Variants in STAG1 observed in about 807,000 individuals in gnomAD.
STAG1 encodes the protein STAG1 cohesin complex component.
In STAG1, 26 loss-of-function variants were observed where a neutral mutation model predicts 170.9. That is an observed-to-expected ratio of 0.15 (90% confidence interval 0.11 to 0.21). The LOEUF is 0.21. STAG1 is among the 10% of genes least tolerant of loss of function. STAG1 has a pLI of 1.00. For missense variants in STAG1, 964 were observed against 1,509.5 expected (o/e 0.64, Z 5.99); for synonymous variants, 514 against 497.7 (o/e 1.03, Z -0.44).
chr3:136,449,900 C>CTTTTTTT (rs34077581), intron 14 of STAG1, among the ~76,000 whole-genome samples: 3 of 126,562 alleles, frequency 2.4e-5, no homozygotes, highest in Non-Finnish European at 3.3e-5. Flanking sequence ...ACTATTGTTG[C>CTTTTTTT]TTTTTTTTTT....
chr3:136,425,199 A>T lies in STAG1; in HGVS notation c.1651-2155T>A, dbSNP rs1008615452. 2.9e-4 allele frequency among the ~76,000 whole-genome samples: 44 copies of T among 152,278 alleles called. 1 individual carries two copies. Among genetic ancestry groups the T allele is most frequent in the African/African-American group, 1.0e-3 (43 of 41,548 alleles). The stretch of plus-strand genomic sequence containing the variant: ...CAGTACAAAAGACTGTGCGTAGGTG[A>T]ACTTTCAGTAGTGCATCCACCTAAT... On this transcript the variant is annotated intron_variant, in intron 16 of 33. Coordinates refer to ENST00000383202, the MANE Select transcript of STAG1 (RefSeq NM_005862.3).
chr3:136,369,092 T>A lies in STAG1; in HGVS notation c.2545+16A>T. ...TAAAAAAAAATCAATATTGACAAGA[T>A]GATAGCTACAAGTACCCATGCTCTG... On this transcript the variant is annotated intron_variant, in intron 24 of 33. Transcript: ENST00000383202. 6.8e-7 allele frequency: 1 copy of A among 1,476,704 alleles called. No individual in the cohort carries two copies. The highest frequency in any genetic ancestry group is 2.6e-5 in the Admixed American group (1 of 38,666). The allele number at this position is 1,476,704 out of a possible 1,614,324, so 91.5% of individuals were successfully genotyped here.
intron 5 of STAG1, among the ~76,000 whole-genome samples, chr3:136,565,011 A>AAGGAAGGCAGGCAGGCAGGCAGGC (rs1207671431): frequency 2.2e-5 from 1 of 45,450 alleles, no homozygotes; most frequent in African/African-American, 1.3e-4. Flanking sequence ...GGAAGGAAGG[A>AAGGAAGGCAGGCAGGCAGGCAGGC]AGGCAGGCAG....
At chr3:136,707,488 T>C (rs1318617065) in intron 1 of STAG1, among the ~76,000 whole-genome samples, 1 of 152,244 alleles carries the variant, frequency 6.6e-6, no homozygotes. Flanking sequence ...CACAAAAAGA[T>C]ACTACTTTAC....
chr3:136,574,336 G>A (rs2107769506), intron 4 of STAG1, among the ~76,000 whole-genome samples: 1 of 150,830 alleles, frequency 6.6e-6, no homozygotes, highest in East Asian at 2.0e-4. Context: ...ATGTATGTGT[G>A]TGTGTATACA....
At chr3:136,739,364 A>C (rs936190922) in intron 1 of STAG1, among the ~76,000 whole-genome samples, 1 of 151,908 alleles carries the variant, frequency 6.6e-6, no homozygotes, top group African/African-American at 2.4e-5. Flanking sequence ...GAAAAAACGT[A>C]TTTTAATTAG....
chr3:136,670,547 C>G (rs536124572), intron 1 of STAG1, among the ~76,000 whole-genome samples: 16 of 152,296 alleles, frequency 1.1e-4, no homozygotes, highest in Non-Finnish European at 1.9e-4. Flanking sequence ...GTGGCACAAT[C>G]TCAGCTCACT....
intron 13 of STAG1, among the ~76,000 whole-genome samples, chr3:136,463,150 T>C (rs1029127470): frequency 1.3e-5 from 2 of 152,230 alleles, no homozygotes; most frequent in Non-Finnish European, 2.9e-5. Flanking sequence ...TCAGAGTCAC[T>C]AGGAAATGCA....
rs575439493 is a variant in STAG1, at chr3:136,495,604, G to A, written c.902+4619C>T. ...TCCCAGCACTTTGGGAGGCCAAGGT[G>A]GGTGGATCACTTGAGGTCAAGAGTT... On this transcript the variant is annotated intron_variant, in intron 9 of 33. Transcript: ENST00000383202. Among the ~76,000 whole-genome samples the A allele has an allele frequency of 5.3e-5, 8 of 151,844 alleles. No homozygotes were observed. In the South Asian group the frequency reaches 1.5e-3, roughly 28 times the overall value.
intron 1 of STAG1, among the ~76,000 whole-genome samples, chr3:136,718,602 C>T (rs1933007697): frequency 6.6e-6 from 1 of 152,130 alleles, no homozygotes; most frequent in African/African-American, 2.4e-5. Context: ...ATACTGAATT[C>T]TAATCAAATA....
At chr3:136,589,530 A>G (rs1048932771) in intron 4 of STAG1, among the ~76,000 whole-genome samples, 6 of 151,224 alleles carry the variant, frequency 4.0e-5, no homozygotes, top group African/African-American at 1.5e-4. Context: ...AAAAAACAAA[A>G]AATAGGCCAG....
chr3:136,450,631 G>A (rs922635998), intron 14 of STAG1, among the ~76,000 whole-genome samples: 1 of 152,104 alleles, frequency 6.6e-6, no homozygotes, highest in Non-Finnish European at 1.5e-5. Flanking sequence ...TCATAGAATC[G>A]TTTCTTCACT....
chr3:136,639,152 T>C, intron 1 of STAG1, among the ~76,000 whole-genome samples: 1 of 125,322 alleles, frequency 8.0e-6, no homozygotes, highest in East Asian at 2.2e-4. Context: ...CTGGGCAACA[T>C]AAGTAAGACT....
chr3:136,608,847 C>G (rs1458973087), intron 3 of STAG1, among the ~76,000 whole-genome samples: 2 of 150,034 alleles, frequency 1.3e-5, no homozygotes, highest in Non-Finnish European at 3.0e-5. Flanking sequence ...TTGCTCGTTG[C>G]TACTAGAGTA....
chr3:136,651,007 T>C (rs1395617470), intron 1 of STAG1, among the ~76,000 whole-genome samples: 1 of 151,904 alleles, frequency 6.6e-6, no homozygotes. Context: ...GGCTCGGTTT[T>C]AGAAGAAAGG....
At position 136,421,156 on chromosome 3, in the gene STAG1, T is replaced by G. The variant is rs1306398231; in HGVS notation, c.2045A>C (p.Glu682Ala). 1 of 1,605,546 alleles carries G rather than the reference T, an allele frequency of 6.2e-7. No individual in the cohort carries two copies. Residue 682 changes from glutamate to alanine, a missense_variant, in exon 20 of 34, where the codon GAA becomes GCA. Physicochemically the swap from Glu to Ala is moderately radical, Grantham distance 107. Coordinates refer to ENST00000383202, the MANE Select transcript of STAG1 (RefSeq NM_005862.3). ...ATTGTAAATGTCATCATCATCAGCT[T>G]CTTCTCCCTATAAAAAAAGGAAACA... ...SVEDLLQEGE[E>A]ADDDDIYNVL...
chr3:136,551,249 GA>G (rs1463506179), intron 5 of STAG1, among the ~76,000 whole-genome samples: 5 of 146,738 alleles, frequency 3.4e-5, no homozygotes, highest in Non-Finnish European at 7.5e-5. Flanking sequence ...GAGAGAGAGA[GA>G]GAGAGAGAGA....
chr3:136,706,744 CCAAA>C (rs1349684583), intron 1 of STAG1, among the ~76,000 whole-genome samples: 2 of 152,040 alleles, frequency 1.3e-5, no homozygotes, highest in Admixed American at 1.3e-4. Context: ...GCAAGGGGTC[CCAAA>C]CAGTCAAAAT....
chr3:136,431,339 C>T (rs1368814836), intron 16 of STAG1, among the ~76,000 whole-genome samples: 1 of 152,110 alleles, frequency 6.6e-6, no homozygotes, highest in Admixed American at 6.5e-5. Flanking sequence ...GTGGCACGAT[C>T]TTGGCTCACC....
Sources: allele counts gnomAD v4.1 joint callset (sites outside exome capture counted in the v4.1 genomes callset), GRCh38; gene constraint gnomAD v4.1.1; transcripts MANE v1.5; gene names NCBI Gene and HGNC (gene_info 2026-07-23, HGNC 2026-07-21).